PITPNA: variants seen among roughly 807,000 people sequenced by gnomAD.
The protein encoded by PITPNA is phosphatidylinositol transfer protein alpha, also known as phosphatidylinositol transfer protein alpha isoform.
Under a neutral mutation model 50.3 loss-of-function variants are expected in PITPNA, and 13 were observed. The observed-to-expected ratio is 0.26, with a 90% CI of 0.17 to 0.41. The LOEUF (loss-of-function observed/expected upper bound fraction) is 0.41, where lower values mean the gene tolerates loss of function less well. Ranked by LOEUF, PITPNA falls within the 10% of genes least tolerant of loss-of-function variation. The probability of loss-of-function intolerance (pLI) is 1.00; values close to 1 mark genes in which losing one functional copy is unlikely to be tolerated. For synonymous variants in PITPNA, 120 were observed against 119.6 expected (o/e 1.00, Z -0.02); for missense variants, 207 against 333.4 (o/e 0.62, Z 2.95).
In PITPNA at chr17:1,535,427, G is replaced by A. The variant is rs2075610056; in HGVS notation, c.534+14C>T. The A allele has an allele frequency of 1.2e-6, 2 of 1,603,448 alleles. No individual in the cohort carries two copies. The highest frequency in any genetic ancestry group is 1.3e-5 in the African/African-American group (1 of 74,854). Reference sequence around the variant, plus strand: ...TGCTGCCCAGCCCCCTGGCAGTGAAGGTGTGAATGGTACCTTCCAATTGGG... The same window carrying A: ...TGCTGCCCAGCCCCCTGGCAGTGAAAGTGTGAATGGTACCTTCCAATTGGG... On this transcript the variant is annotated intron_variant, in intron 8 of 11. Coordinates refer to ENST00000313486, the MANE Select transcript of PITPNA (RefSeq NM_006224.4).
At chr17:1,532,334 A>G (rs1179299386) in intron 10 of PITPNA, among the ~76,000 whole-genome samples, 1 of 152,056 alleles carries the variant, frequency 6.6e-6, no homozygotes, top group Non-Finnish European at 1.5e-5. Context: ...TGATCTGCCC[A>G]CCTTAGCCTC....
At chr17:1,557,548 G>A (rs1026092040) in intron 2 of PITPNA, among the ~76,000 whole-genome samples, 3 of 152,326 alleles carry the variant, frequency 2.0e-5, no homozygotes, top group East Asian at 1.9e-4. Context: ...ACAAGGCTGC[G>A]CCAGGAGAGG....
chr17:1,535,358 C>G (rs1048057325), intron 8 of PITPNA, 66 bp from the exon 9 acceptor site: 69 of 1,499,944 alleles, frequency 4.6e-5, no homozygotes, highest in Non-Finnish European at 2.5e-5. Flanking sequence ...GTCCCCAGCT[C>G]ACCCCAGCCA....
At position 1,562,571 on chromosome 17, in the gene PITPNA, G is replaced by C. The variant is rs889443570; in HGVS notation, c.-11C>G. The C allele has an allele frequency of 2.3e-6, 3 of 1,316,520 alleles. No individual in the cohort carries two copies. The highest frequency in any genetic ancestry group is 2.9e-6 in the Non-Finnish European group (3 of 1,024,340). 81.6% of individuals were successfully genotyped at this position (1,316,520 alleles called of 1,614,324 possible). A position where few individuals can be genotyped will look rare whatever the true frequency, so the allele number is the denominator to read the frequency against. On this transcript the variant is annotated 5_prime_UTR_variant, in exon 1 of 12. Transcript: ENST00000313486. The surrounding 1 kb of genome is among the most constrained non-coding windows in gnomAD (Gnocchi z 6.4). ...CTTGAGCAGCACCATGTCGCTTCGCGGCTCGGTGGCTGCCCGCGGCCCGCC... is the reference window on the plus strand; with the variant it reads ...CTTGAGCAGCACCATGTCGCTTCGCCGCTCGGTGGCTGCCCGCGGCCCGCC...
intron 2 of PITPNA, among the ~76,000 whole-genome samples, chr17:1,556,061 C>A (rs1328972315): frequency 6.6e-6 from 1 of 152,208 alleles, no homozygotes; most frequent in Non-Finnish European, 1.5e-5. Flanking sequence ...CCACCAGTCA[C>A]AAGATGCTGA....
intron 6 of PITPNA, among the ~76,000 whole-genome samples, chr17:1,540,593 CT>C (rs200884941): frequency 0.11 from 15,167 of 143,758 alleles, 849 homozygotes; most frequent in East Asian, 0.14. Flanking sequence ...TTTTTTTTCT[CT>C]TTTTTTTTTT....
chr17:1,554,214 G>A (rs77947698), intron 2 of PITPNA, among the ~76,000 whole-genome samples: 5,195 of 152,138 alleles, frequency 0.034, 297 homozygotes, highest in African/African-American at 0.12. Context: ...ACCAACGGAT[G>A]TGTCTTTCCT....
rs767385561 is a variant in PITPNA, at chr17:1,523,622, C to G, written c.769-1977G>C. Among the ~76,000 whole-genome samples, 115 of 151,872 alleles carry G rather than the reference C, an allele frequency of 7.6e-4. 2 individuals are homozygous for G. The highest frequency in any genetic ancestry group is 3.2e-4 in the Non-Finnish European group (22 of 67,950). On this transcript the variant is annotated intron_variant, in intron 10 of 11. Coordinates refer to ENST00000313486, the MANE Select transcript of PITPNA (RefSeq NM_006224.4). ...TCCCGGGTTCAAGCAATTCCCCTGC[C>G]TCAGCCTCCCCAGTAGCTGGGACTA... is the stretch of plus-strand genomic sequence containing the variant.
At chr17:1,548,027 A>G (rs1387143946) in intron 4 of PITPNA, among the ~76,000 whole-genome samples, 2 of 152,188 alleles carry the variant, frequency 1.3e-5, no homozygotes, top group African/African-American at 2.4e-5. Context: ...AAATGACTAG[A>G]AAAATATACT....
intron 5 of PITPNA, among the ~76,000 whole-genome samples, chr17:1,542,292 G>C (rs1179055320): frequency 6.6e-6 from 1 of 152,056 alleles, no homozygotes; most frequent in Non-Finnish European, 1.5e-5. Context: ...AGCCACTCTG[G>C]GTAGTAAGCA....
intron 3 of PITPNA, among the ~76,000 whole-genome samples, chr17:1,551,974 C>CGAGGAGACTGGGTGATGGT (rs2075712103): frequency 8.7e-6 from 1 of 115,366 alleles, no homozygotes; most frequent in Non-Finnish European, 2.0e-5. Flanking sequence ...GACCCTCTGG[C>CGAGGAGACTGGGTGATGGT]GAGGAGACTG....
At chr17:1,530,695 G>A (rs1254302493) in intron 10 of PITPNA, among the ~76,000 whole-genome samples, 1 of 151,298 alleles carries the variant, frequency 6.6e-6, no homozygotes, top group Non-Finnish European at 1.5e-5. Context: ...CCTATGACAT[G>A]ACAGTAAAGG....
intron 2 of PITPNA, among the ~76,000 whole-genome samples, chr17:1,556,578 G>A (rs545423763): frequency 4.3e-4 from 66 of 152,088 alleles, no homozygotes; most frequent in East Asian, 1.9e-3. Context: ...CTCGCCCTTC[G>A]TTCCATCAAG....
chr17:1,548,186 G>A (rs975380830), intron 4 of PITPNA, 110 bp downstream of exon 4: 18 of 668,050 alleles, frequency 2.7e-5, no homozygotes, highest in African/African-American at 7.3e-5. Context: ...ACCATCAGCC[G>A]GAAGGGACCC....
In PITPNA at chr17:1,543,320, G is replaced by T. The variant is rs139708059; in HGVS notation, c.290-293C>A. Among the ~76,000 whole-genome samples, 274 of 152,238 alleles carry T rather than the reference G, an allele frequency of 1.8e-3. 6 individuals carry two copies. The East Asian group carries it at 0.045, about 25-fold the overall frequency. ...CAGGGCACTGACAGGGACCAGCTCT[G>T]ATCAGCAGAGGTGCCGCAACTCATC... is the stretch of plus-strand genomic sequence containing the variant. On this transcript the variant is annotated intron_variant, in intron 4 of 11. Coordinates refer to ENST00000313486, the MANE Select transcript of PITPNA (RefSeq NM_006224.4).
chr17:1,542,609 A>G (rs1223202808), intron 5 of PITPNA, among the ~76,000 whole-genome samples: 1 of 152,148 alleles, frequency 6.6e-6, no homozygotes, highest in Non-Finnish European at 1.5e-5. Context: ...GACAGAGGGG[A>G]CGGCTGTGGA....
At chr17:1,540,271 T>A (rs1050022234) in intron 6 of PITPNA, among the ~76,000 whole-genome samples, 2 of 152,196 alleles carry the variant, frequency 1.3e-5, no homozygotes, top group Non-Finnish European at 2.9e-5. Context: ...ATGCACATAA[T>A]ACAAAATTAT....
At chr17:1,525,234 C>T (rs2075540639) in intron 10 of PITPNA, among the ~76,000 whole-genome samples, 3 of 151,878 alleles carry the variant, frequency 2.0e-5, no homozygotes, top group Non-Finnish European at 4.4e-5. Context: ...ATGATCCGCC[C>T]GCCTCAGCCT....
In PITPNA at chr17:1,548,971, G is replaced by A. The variant is rs571650747; in HGVS notation, c.198-584C>T. On this transcript the variant is annotated intron_variant, in intron 3 of 11. Coordinates refer to ENST00000313486, the MANE Select transcript of PITPNA (RefSeq NM_006224.4). ...GGCTGGAGTGCAGTGCTGCGATCTC[G>A]GGTAACTGCAACCTCCACCTCCAGG... Among the ~76,000 whole-genome samples the A allele has an allele frequency of 5.9e-5, 9 of 152,186 alleles. No individual in the cohort carries two copies. The East Asian group carries it at 1.4e-3, about 23-fold the overall frequency.
Sources: gnomAD v4.1 joint callset for allele counts (sites outside exome capture counted in the v4.1 genomes callset) on GRCh38, gnomAD v4.1.1 for gene constraint, Gnocchi (gnomAD v3.1) non-coding constraint, MANE v1.5 for transcripts, NCBI Gene and HGNC (gene_info 2026-07-23, HGNC 2026-07-21) for gene names.